Variants in SLC27A2 observed in about 807,000 individuals in gnomAD.
The protein encoded by SLC27A2 is solute carrier family 27 member 2.
A neutral mutation model predicts 60.0 loss-of-function variants in SLC27A2; 54 were observed. That is an observed-to-expected ratio of 0.90 (90% confidence interval 0.72 to 1.13). The LOEUF (loss-of-function observed/expected upper bound fraction) is 1.13. Ranked by LOEUF, SLC27A2 falls within the 50% of genes most tolerant of loss-of-function variation. SLC27A2 has a pLI of 0.00. For missense variants in SLC27A2, 739 were observed against 777.6 expected (o/e 0.95, Z 0.59); for synonymous variants, 297 against 297.6 (o/e 1.00, Z 0.02).
intron 7 of SLC27A2, among the ~76,000 whole-genome samples, chr15:50,227,476 T>A (rs16963441): frequency 0.12 from 18,099 of 152,216 alleles, 1,114 homozygotes; most frequent in Middle Eastern, 0.16. Flanking sequence ...TACTGGTCAC[T>A]CTTAGGACAG....
intron 8 of SLC27A2, among the ~76,000 whole-genome samples, chr15:50,233,413 T>A (rs1044766235): frequency 2.0e-4 from 31 of 152,192 alleles, no homozygotes; most frequent in Non-Finnish European, 1.8e-4. Flanking sequence ...TACTCCCTAC[T>A]AAGATGTGTT....
At chr15:50,232,905 G>A (rs1354461266) in intron 8 of SLC27A2, among the ~76,000 whole-genome samples, 1 of 152,150 alleles carries the variant, frequency 6.6e-6, no homozygotes, top group Non-Finnish European at 1.5e-5. Context: ...TCGAAAGCTG[G>A]GGCCCAGGTA....
At chr15:50,196,055 A>AAAAAAAAAAAAAAAAAAAT (rs2045013793) in intron 1 of SLC27A2, among the ~76,000 whole-genome samples, 1 of 7,544 alleles carries the variant, frequency 1.3e-4, no homozygotes, top group African/African-American at 4.1e-4. Context: ...CTCTGTCTCA[A>AAAAAAAAAAAAAAAAAAAT]AAAAAAAAAA....
At chr15:50,217,552 C>G (rs1290262650) in intron 4 of SLC27A2, among the ~76,000 whole-genome samples, 6 of 152,082 alleles carry the variant, frequency 3.9e-5, no homozygotes, top group African/African-American at 1.4e-4. Context: ...ACTAAACTTT[C>G]CCGGAAAAGA....
intron 1 of SLC27A2, among the ~76,000 whole-genome samples, chr15:50,187,825 A>C (rs958190902): frequency 6.6e-6 from 1 of 152,234 alleles, no homozygotes; most frequent in Non-Finnish European, 1.5e-5. Context: ...AAAAGCTATA[A>C]GACTGAAGAA....
In SLC27A2 at chr15:50,222,793, G is replaced by A. The variant is rs138495427; in HGVS notation, c.973-172G>A. 2.5e-3 allele frequency among the ~76,000 whole-genome samples: 382 copies of A among 152,296 alleles called. 2 individuals carry two copies. The highest frequency in any genetic ancestry group is 8.8e-3 in the African/African-American group (366 of 41,560). On this transcript the variant is annotated intron_variant, in intron 4 of 9. Transcript: ENST00000267842. ...GCTAGAGGAATAGGGAACGATGTGT[G>A]TGGGTGGCAGGAAAAAGGCAGACAC...
intron 3 of SLC27A2, among the ~76,000 whole-genome samples, chr15:50,202,902 G>A (rs554968762): frequency 6.6e-6 from 1 of 152,032 alleles, no homozygotes; most frequent in East Asian, 1.9e-4. Context: ...TTTTAGGGCT[G>A]GGTGCAATGG....
intron 2 of SLC27A2, among the ~76,000 whole-genome samples, chr15:50,200,639 T>C (rs1164436301): frequency 6.6e-6 from 1 of 152,222 alleles, no homozygotes; most frequent in Admixed American, 6.5e-5. Flanking sequence ...TCACGAAGTC[T>C]GTTTACCCAC....
At position 50,235,961 on chromosome 15, in the gene SLC27A2, G is replaced by T; in HGVS notation, c.1728G>T (p.Met576Ile). 1.2e-6 allele frequency: 2 copies of T among 1,613,700 alleles called. No homozygotes were observed. The highest frequency in any genetic ancestry group is 1.7e-6 in the Non-Finnish European group (2 of 1,179,866). Residue 576 changes from methionine to isoleucine, a missense_variant, in exon 10 of 10, where the codon ATG (methionine) becomes ATT (isoleucine). Transcript: ENST00000267842. ...CTGGAACTTTTAAACACCGCAAAAT[G>T]ACCCTGGTGGAGGAGGGCTTTAACC... ...EITGTFKHRK[M>I]TLVEEGFNPA... is the part of the protein sequence containing the mutation.
chr15:50,206,388 C>T (rs1195040894), intron 4 of SLC27A2, among the ~76,000 whole-genome samples: 1 of 152,164 alleles, frequency 6.6e-6, no homozygotes, highest in Non-Finnish European at 1.5e-5. Flanking sequence ...TCAGTTTAAA[C>T]TCAAAGGATC....
chr15:50,229,148 A>C, intron 8 of SLC27A2, 106 bp downstream of exon 8: 1 of 708,810 alleles, frequency 1.4e-6, no homozygotes, highest in South Asian at 1.8e-5. Flanking sequence ...AGAGTTAAAC[A>C]GTTCTTTCAG....
intron 7 of SLC27A2, among the ~76,000 whole-genome samples, chr15:50,228,620 C>G (rs1321526246): frequency 6.6e-6 from 1 of 152,052 alleles, no homozygotes; most frequent in Non-Finnish European, 1.5e-5. Flanking sequence ...GAGACCTAAA[C>G]AGCAGAAAAT....
chr15:50,191,559 G>C (rs1310688551), intron 1 of SLC27A2, among the ~76,000 whole-genome samples: 1 of 152,128 alleles, frequency 6.6e-6, no homozygotes, highest in Non-Finnish European at 1.5e-5. Flanking sequence ...CTGCATTACA[G>C]TTCAATGTCT....
chr15:50,184,814 G>A lies in SLC27A2; in HGVS notation c.478+1909G>A, dbSNP rs191932578. ...ATCATGCCACTGCACTCCAGCCTGG[G>A]GGACAGAGTGAGACTCCATCTCAAA... On this transcript the variant is annotated intron_variant, in intron 1 of 9. Coordinates refer to ENST00000267842, the MANE Select transcript of SLC27A2 (RefSeq NM_003645.4). Among the ~76,000 whole-genome samples the A allele has an allele frequency of 3.2e-3, 481 of 152,250 alleles. 3 individuals are homozygous for A. The highest frequency in any genetic ancestry group is 0.011 in the African/African-American group (457 of 41,538).
At chr15:50,212,539 A>G (rs1469397383) in intron 4 of SLC27A2, among the ~76,000 whole-genome samples, 1 of 152,234 alleles carries the variant, frequency 6.6e-6, no homozygotes, top group African/African-American at 2.4e-5. Context: ...GAGCTGTGAG[A>G]CAGAAACACC....
intron 1 of SLC27A2, among the ~76,000 whole-genome samples, chr15:50,190,190 C>T (rs1007311678): frequency 6.6e-6 from 1 of 152,160 alleles, no homozygotes; most frequent in African/African-American, 2.4e-5. Context: ...TGCAAAATTA[C>T]AGTTACAAAT....
chr15:50,229,104 A>C (rs1179408248), intron 8 of SLC27A2, 62 bp downstream of exon 8: 13 of 1,172,862 alleles, frequency 1.1e-5, no homozygotes, highest in Non-Finnish European at 1.4e-5. Context: ...TTTGGCCTCA[A>C]GGCGAAGTTT....
intron 4 of SLC27A2, among the ~76,000 whole-genome samples, chr15:50,218,269 C>T (rs574284837): frequency 6.6e-5 from 10 of 151,656 alleles, no homozygotes; most frequent in African/African-American, 2.2e-4. Flanking sequence ...AGAAATCTTA[C>T]AGAAAGTTAA....
chr15:50,196,613 C>T (rs2433282), intron 1 of SLC27A2, among the ~76,000 whole-genome samples: 148,830 of 152,316 alleles, frequency 0.98, 72,809 homozygotes, highest in Middle Eastern at 1. Context: ...TTTTACTATG[C>T]TAAGATGTGC....
Sources: allele counts gnomAD v4.1 joint callset (sites outside exome capture counted in the v4.1 genomes callset), GRCh38; gene constraint gnomAD v4.1.1; transcripts MANE v1.5; gene names NCBI Gene and HGNC (gene_info 2026-07-23, HGNC 2026-07-21).